Variants in CAST observed in about 807,000 individuals in gnomAD.
The protein encoded by CAST is MIR583 host.
In CAST, 76 loss-of-function variants were observed where a neutral mutation model predicts 119.6. That is an observed-to-expected ratio of 0.64 (90% CI 0.53 to 0.77). CAST has a LOEUF of 0.77. Ranked by LOEUF, CAST falls within the 30% of genes least tolerant of loss-of-function variation. The pLI, the probability that CAST is intolerant of heterozygous loss-of-function variation, is 0.00. For missense variants in CAST, 953 were observed against 946.5 expected, an observed-to-expected ratio of 1.01 and a Z score of -0.09; for synonymous variants, 319 against 331.6, an observed-to-expected ratio of 0.96 and a Z score of 0.41.
chr5:96,529,688 T>C (rs893384277), upstream of CAST: 24 of 311,720 alleles, frequency 7.7e-5, no homozygotes, highest in Non-Finnish European at 4.5e-5. Context: ...TAGATGGAGA[T>C]AACTGAATCG....
the CAST span, among the ~76,000 whole-genome samples, chr5:96,300,565 C>T: frequency 7.0e-6 from 1 of 143,362 alleles, no homozygotes; most frequent in Non-Finnish European, 1.6e-5. Flanking sequence ...TCAGCCAATG[C>T]TTGCCTTTGC....
the CAST span, among the ~76,000 whole-genome samples, chr5:96,013,520 C>T: frequency 1.2e-4 from 18 of 151,974 alleles, no homozygotes; most frequent in East Asian, 5.8e-4. Flanking sequence ...TTCTATCTTT[C>T]GCCATGATGT....
the CAST span, chr5:96,429,265 C>T: frequency 6.2e-7 from 1 of 1,605,202 alleles, no homozygotes; most frequent in Non-Finnish European, 8.5e-7. Flanking sequence ...CCTTCGAGAC[C>T]TTCTGGGGTG....
At chr5:96,767,397 C>G (rs936725817) in intron 27 of CAST, 41 bp from the exon 28 acceptor site, 2 of 1,546,446 alleles carry the variant, frequency 1.3e-6, no homozygotes, top group East Asian at 2.2e-5. Flanking sequence ...TAAACCTTTA[C>G]AGATATCTAT....
the CAST span, among the ~76,000 whole-genome samples, chr5:96,300,834 A>ATTTTTTTTTTTTTTTT: frequency 1.9e-5 from 1 of 52,462 alleles, no homozygotes; most frequent in Non-Finnish European, 3.8e-5. Flanking sequence ...ATTCCTAAGC[A>ATTTTTTTTTTTTTTTT]TTTTTTTTTT....
At chr5:96,307,867 C>G in the CAST span, among the ~76,000 whole-genome samples, 2 of 152,192 alleles carry the variant, frequency 1.3e-5, no homozygotes, top group Admixed American at 6.5e-5. Context: ...AGACCTTTCT[C>G]TCTGACTGCC....
chr5:96,286,374 CGATG>C, the CAST span, among the ~76,000 whole-genome samples: 35 of 152,098 alleles, frequency 2.3e-4, no homozygotes, highest in Non-Finnish European at 4.3e-4. Context: ...AAGAAGAGGT[CGATG>C]GATGGAAGCT....
the CAST span, among the ~76,000 whole-genome samples, chr5:96,169,815 C>T: frequency 1.3e-5 from 2 of 151,860 alleles, no homozygotes; most frequent in Admixed American, 6.6e-5. Flanking sequence ...GGCTGTAGCC[C>T]AGGAATAGTC....
chr5:96,040,673 G>A, the CAST span, among the ~76,000 whole-genome samples: 504 of 152,204 alleles, frequency 3.3e-3, 1 homozygote, highest in Non-Finnish European at 4.3e-3. Flanking sequence ...GATGGATTAC[G>A]TTTATTGATT....
chr5:96,229,391 T>A, the CAST span, among the ~76,000 whole-genome samples: 1 of 151,970 alleles, frequency 6.6e-6, no homozygotes, highest in East Asian at 1.9e-4. Flanking sequence ...CCTTTCAGAA[T>A]GCTTTCACAG....
the CAST span, among the ~76,000 whole-genome samples, chr5:96,227,475 C>T: frequency 3.3e-5 from 5 of 152,100 alleles, no homozygotes; most frequent in Non-Finnish European, 5.9e-5. Flanking sequence ...GCAGCTCCAT[C>T]AAAGTTAAAT....
chr5:96,452,113 C>T, the CAST span, among the ~76,000 whole-genome samples: 27,372 of 152,144 alleles, frequency 0.18, 3,368 homozygotes, highest in Non-Finnish European at 0.27. Context: ...ACCAGAAATA[C>T]CATTTGACCC....
upstream of CAST, among the ~76,000 whole-genome samples, chr5:96,522,285 C>A (rs1173634244): frequency 3.3e-5 from 5 of 152,196 alleles, no homozygotes; most frequent in Non-Finnish European, 7.3e-5. Context: ...GCCACCCACT[C>A]TCCATTTTTG....
At chr5:96,148,610 T>C in the CAST span, among the ~76,000 whole-genome samples, 2,887 of 152,290 alleles carry the variant, frequency 0.019, 60 homozygotes, top group African/African-American at 0.058. Context: ...GGATAAAACT[T>C]CAGTTTATGT....
chr5:95,976,199 C>T, the CAST span, among the ~76,000 whole-genome samples: 3 of 150,918 alleles, frequency 2.0e-5, no homozygotes, highest in Admixed American at 6.7e-5. Context: ...TCTAGTATTC[C>T]GTTGTTTCCA....
At chr5:96,743,485 C>A in intron 16 of CAST, 1 of 1,200,754 alleles carries the variant, frequency 8.3e-7, no homozygotes, top group Non-Finnish European at 1.1e-6. Context: ...CCACCTCCAT[C>A]AGCTCAGGCT....
At chr5:96,424,786 A>G in the CAST span, among the ~76,000 whole-genome samples, 1 of 151,972 alleles carries the variant, frequency 6.6e-6, no homozygotes, top group Admixed American at 6.6e-5. Flanking sequence ...AATGTGACAA[A>G]ACCCCATCTC....
the CAST span, among the ~76,000 whole-genome samples, chr5:96,481,410 T>C: frequency 6.6e-6 from 1 of 152,328 alleles, no homozygotes; most frequent in African/African-American, 2.4e-5. Context: ...AGAAAGCTAA[T>C]TTTAAAATTC....
chr5:96,561,796 G>GTTTTTTTTTTTTTTTTTTTTTTT lies in CAST; in HGVS notation c.60+31930_60+31931insTTTTTTTTTTTTTTTTTTTTTTT, dbSNP rs11375615. 2.7e-4 allele frequency among the ~76,000 whole-genome samples: 26 copies of GTTTTTTTTTTTTTTTTTTTTTTT among 97,400 alleles called. 1 individual carries two copies. Among genetic ancestry groups the GTTTTTTTTTTTTTTTTTTTTTTT allele is most frequent in the African/African-American group, 5.8e-4 (15 of 26,030 alleles). 63.9% of individuals were successfully genotyped at this position (97,400 alleles called of 152,430 possible). On this transcript the variant is annotated intron_variant, in intron 1 of 11. Coordinates refer to the CAST transcript ENST00000505143. ...GTGTATTATATATATGTTTTTTTTT[G>GTTTTTTTTTTTTTTTTTTTTTTT]TTTTTTTTTTTTTTGAGACGGAGTC...
Sources: allele counts gnomAD v4.1 joint callset (sites outside exome capture counted in the v4.1 genomes callset), GRCh38; gene constraint gnomAD v4.1.1; transcripts MANE v1.5; gene names NCBI Gene and HGNC (gene_info 2026-07-23, HGNC 2026-07-21).